The following SOS2 variants were observed in gnomAD, a reference collection of about 807,000 sequenced individuals.
The protein encoded by SOS2 is son of sevenless homolog 2.
A neutral mutation model predicts 148.2 loss-of-function variants in SOS2; 65 were observed. The ratio of observed to expected loss-of-function variants is 0.44; its 90% CI spans 0.36 to 0.54. The LOEUF (loss-of-function observed/expected upper bound fraction) is 0.54. Ranked by LOEUF, SOS2 falls within the 20% of genes least tolerant of loss-of-function variation. The pLI, the probability that SOS2 is intolerant of heterozygous loss-of-function variation, is 0.00. For missense variants in SOS2, 1,341 were observed against 1,590.2 expected, an observed-to-expected ratio of 0.84 and a Z score of 2.67; for synonymous variants, 539 against 537.1, an observed-to-expected ratio of 1.00 and a Z score of -0.05.
Position 50,188,625 on chromosome 14 carries a change from C to T in SOS2, c.586G>A (p.Glu196Lys). ...LCEDEPSSSG[E>K]LNYYDLVRTE... ...CTGACAAGATCATAGTAGTTTAATT[C>T]ACCAGAAGAACTAGGTTCATCTTCA... The change falls in exon 5 of 23, where the codon GAA (glutamate) becomes AAA (lysine). Residue 196 changes from glutamate to lysine, a missense_variant. Glu to Lys is a moderately conservative substitution (Grantham distance 56). Around this residue, in one of 4 missense-constraint regions of SOS2, gnomAD observed 574 missense variants for 711.1 expected, o/e 0.81. Transcript: ENST00000216373. 1 of 1,610,362 alleles carries T rather than the reference C, an allele frequency of 6.2e-7. No homozygotes were observed. Among genetic ancestry groups the T allele is most frequent in the Non-Finnish European group, 8.5e-7 (1 of 1,177,706 alleles).
At chr14:50,174,588 C>G in intron 7 of SOS2, 36 bp from the exon 8 acceptor site, 2 of 1,301,834 alleles carry the variant, frequency 1.5e-6, no homozygotes, top group Non-Finnish European at 2.2e-6. Flanking sequence ...ATGTATGTCT[C>G]TGACATCAAG....
intron 1 of SOS2, among the ~76,000 whole-genome samples, chr14:50,208,284 G>A (rs532351189): frequency 6.6e-6 from 1 of 152,184 alleles, no homozygotes; most frequent in East Asian, 1.9e-4. Flanking sequence ...GGGTGAGAGT[G>A]AGACTCTGTC....
chr14:50,178,181 G>A (rs1163717680), intron 7 of SOS2, among the ~76,000 whole-genome samples: 1 of 152,176 alleles, frequency 6.6e-6, no homozygotes, highest in Non-Finnish European at 1.5e-5. Context: ...CCCAATTTTG[G>A]AGGTGGGGCC....
Position 50,118,252 on chromosome 14 carries a change from A to G in SOS2, c.*92T>C. 1 of 1,078,580 alleles carries G rather than the reference A, an allele frequency of 9.3e-7. No individual in the cohort carries two copies. The highest frequency in any genetic ancestry group is 2.2e-4 in the Middle Eastern group (1 of 4,474). The allele number at this position is 1,078,580 out of a possible 1,614,324, so 66.8% of individuals were successfully genotyped here. A position where few individuals can be genotyped will look rare whatever the true frequency, so the allele number is the denominator to read the frequency against. On this transcript the variant is annotated 3_prime_UTR_variant, in exon 23 of 23. Transcript: ENST00000216373. ...ATTTTTGTAAGAGCATTATTTGTAA[A>G]AAGTACTAAAATACTATGTCTTTTT...
intron 1 of SOS2, among the ~76,000 whole-genome samples, chr14:50,220,633 C>G (rs1197673683): frequency 6.6e-6 from 1 of 152,096 alleles, no homozygotes; most frequent in East Asian, 1.9e-4. Context: ...TTACGTTTCT[C>G]TATTCCTCCC....
intron 1 of SOS2, among the ~76,000 whole-genome samples, chr14:50,230,029 C>T (rs1887492657): frequency 6.6e-6 from 1 of 152,218 alleles, no homozygotes. Context: ...TGCCACTAGT[C>T]ATTTCTGCCA....
chr14:50,223,725 G>A (rs147311810), intron 1 of SOS2, among the ~76,000 whole-genome samples: 1 of 151,960 alleles, frequency 6.6e-6, no homozygotes, highest in Non-Finnish European at 1.5e-5. Flanking sequence ...CACACCTGTA[G>A]TCCCAGCTAT....
intron 16 of SOS2, among the ~76,000 whole-genome samples, chr14:50,140,965 G>A (rs529951503): frequency 2.0e-5 from 3 of 152,030 alleles, no homozygotes; most frequent in Non-Finnish European, 4.4e-5. Flanking sequence ...AGCACTTTGG[G>A]AGGCTGAGGC....
intron 18 of SOS2, among the ~76,000 whole-genome samples, chr14:50,136,052 AT>A (rs1884068992): frequency 6.6e-6 from 1 of 152,146 alleles, no homozygotes; most frequent in African/African-American, 2.4e-5. Context: ...CTAGTATAAA[AT>A]TCTTCCCATT....
At chr14:50,133,037 A>G (rs1334586360) in intron 19 of SOS2, among the ~76,000 whole-genome samples, 1 of 152,066 alleles carries the variant, frequency 6.6e-6, no homozygotes, top group African/African-American at 2.4e-5. Context: ...AATGTAAAAG[A>G]GACTGCAATG....
At position 50,188,049 on chromosome 14, in the gene SOS2, T is replaced by C. The variant is rs77037646; in HGVS notation, c.714+448A>G. ...TGTACCTATTATATAACAATTCACATGTTTATAAAGCCCACAAATACATGA... is the reference window on the plus strand; with the variant it reads ...TGTACCTATTATATAACAATTCACACGTTTATAAAGCCCACAAATACATGA... On this transcript the variant is annotated intron_variant, in intron 5 of 22. Coordinates refer to ENST00000216373, the MANE Select transcript of SOS2 (RefSeq NM_006939.4). 9.0e-4 allele frequency among the ~76,000 whole-genome samples: 137 copies of C among 152,098 alleles called. 1 individual carries two copies. In the East Asian group the frequency reaches 0.018, roughly 20 times the overall value.
chr14:50,190,867 G>A (rs1886109256), intron 4 of SOS2, among the ~76,000 whole-genome samples: 1 of 152,056 alleles, frequency 6.6e-6, no homozygotes, highest in African/African-American at 2.4e-5. Flanking sequence ...AACCAGTAAG[G>A]CTACACAGGG....
rs1269639034 is a variant in SOS2, at chr14:50,145,491, G to A, written c.2490C>T (p.Thr830=). ...TTAAAACTTACTTTTCAAACCAGAG[G>A]GTGAGATTTGTGGTATGGCGAATCA... ...LKMIRHTTNL[T]LWFEKCIVEA... The change falls in exon 15 of 23, where the codon ACC becomes ACT. Residue 830 remains threonine (T), a synonymous_variant. Transcript: ENST00000216373. 2.5e-6 allele frequency: 4 copies of A among 1,603,088 alleles called. No individual in the cohort carries two copies. The highest frequency in any genetic ancestry group is 3.4e-6 in the Non-Finnish European group (4 of 1,173,044).
chr14:50,143,781 G>A (rs1436787431), intron 16 of SOS2, among the ~76,000 whole-genome samples: 3 of 150,962 alleles, frequency 2.0e-5, no homozygotes, highest in Non-Finnish European at 2.9e-5. Flanking sequence ...AATGCAGTGC[G>A]ATTTCTGCCC....
chr14:50,134,735 TTTACTTTAAAAGTAGTCATTTAAA>T (rs757725196), intron 18 of SOS2, among the ~76,000 whole-genome samples: 8 of 152,296 alleles, frequency 5.3e-5, no homozygotes, highest in Non-Finnish European at 1.0e-4. Flanking sequence ...GGAAATTCCT[TTTACTTTAAAAGTAGTCATTTAAA>T]TTACTTTAAA....
intron 1 of SOS2, among the ~76,000 whole-genome samples, chr14:50,227,243 C>G (rs374389459): frequency 1.8e-5 from 2 of 112,650 alleles, no homozygotes; most frequent in South Asian, 2.7e-4. Flanking sequence ...TTCTTTCTTT[C>G]TTTCTTTTTT....
intron 6 of SOS2, among the ~76,000 whole-genome samples, chr14:50,181,038 G>C (rs975689839): frequency 6.6e-6 from 1 of 151,312 alleles, no homozygotes; most frequent in Non-Finnish European, 1.5e-5. Flanking sequence ...AAAGAAGGAA[G>C]CTTACATACA....
In SOS2 at chr14:50,150,175, C is replaced by T. The variant is rs186110427; in HGVS notation, c.2217G>A (p.Lys739=). The T allele has an allele frequency of 2.5e-5, 41 of 1,613,572 alleles. No individual in the cohort carries two copies. The East Asian group carries it at 8.2e-4, about 32-fold the overall frequency. ...GGCTTACTCCGTTTGCCTGAGCTTG[C>T]TTCTTCCTCCTGATGATCTTAGCAA... The part of the protein sequence containing the change: ...ESIAKIIRRK[K]QAQANGVSHN... Residue 739 remains lysine, a synonymous_variant, in exon 14 of 23, where the codon AAG becomes AAA. Transcript: ENST00000216373.
At chr14:50,197,130 G>T (rs375217371) in intron 4 of SOS2, among the ~76,000 whole-genome samples, 1 of 152,258 alleles carries the variant, frequency 6.6e-6, no homozygotes, top group East Asian at 1.9e-4. Flanking sequence ...TGGGATTACA[G>T]GCATGAGCCA....
Sources: allele counts gnomAD v4.1 joint callset (sites outside exome capture counted in the v4.1 genomes callset), GRCh38; gene constraint gnomAD v4.1.1; regional missense constraint gnomAD v4.1.1; transcripts MANE v1.5; gene names NCBI Gene and HGNC (gene_info 2026-07-23, HGNC 2026-07-21).